DLGAP2: variants seen among roughly 807,000 people sequenced by gnomAD.
The protein encoded by DLGAP2 is disks large-associated protein 2.
Under a neutral mutation model 100.3 loss-of-function variants are expected in DLGAP2, and 26 were observed. The ratio of observed to expected loss-of-function variants is 0.26; its 90% confidence interval spans 0.19 to 0.36. The LOEUF is 0.36. DLGAP2 is among the 10% of genes least tolerant of loss of function. The probability of loss-of-function intolerance (pLI) is 1.00; values close to 1 mark genes in which losing one functional copy is unlikely to be tolerated. For missense variants in DLGAP2, 1,858 were observed against 1,453.2 expected (o/e 1.28, Z -4.53); for synonymous variants, 886 against 630.1 (o/e 1.41, Z -6.08).
intron 2 of DLGAP2, among the ~76,000 whole-genome samples, chr8:1,028,789 C>T (rs1422167962): frequency 6.6e-6 from 1 of 151,148 alleles, no homozygotes; most frequent in Non-Finnish European, 1.5e-5. Flanking sequence ...TTTTTTAAAG[C>T]TGGAAGTCTT....
Position 1,257,698 on chromosome 8 carries a change from G to A in DLGAP2, c.74-1153G>A, listed in dbSNP as rs369956383. ...TGAGGGCCCGTGCAGGCCAGTGCTG[G>A]CGTGGAAGAGCCGGTGTCCTCCCGA... On this transcript the variant is annotated intron_variant, in intron 2 of 14. Transcript: ENST00000637795. Among the ~76,000 whole-genome samples the A allele has an allele frequency of 5.3e-5, 8 of 150,842 alleles. No individual in the cohort carries two copies. The East Asian group carries it at 9.8e-4, about 18-fold the overall frequency.
rs1797604696 is a variant in DLGAP2 at position 871,834 on chromosome 8, G to GTT, written c.19-36078_19-36077insTT. On this transcript the variant is annotated intron_variant, in intron 1 of 14. Coordinates refer to ENST00000637795, the MANE Select transcript of DLGAP2 (RefSeq NM_001346810.2). ...AAGGATGTGGCGTCTCACAGAGAAA[G>GTT]GTGGGCCCACCTACTTGTTGGCATG... 2.2e-4 allele frequency among the ~76,000 whole-genome samples: 33 copies of GTT among 152,266 alleles called. No individual in the cohort carries two copies. In the South Asian group the frequency reaches 6.8e-3, roughly 32 times the overall value.
chr8:1,326,271 A>G (rs560311536), intron 3 of DLGAP2, among the ~76,000 whole-genome samples: 2 of 152,350 alleles, frequency 1.3e-5, no homozygotes, highest in Admixed American at 1.3e-4. Context: ...GAATCAGTGA[A>G]ATTAGACAAT....
chr8:1,361,334 C>T (rs1434683978), intron 3 of DLGAP2, among the ~76,000 whole-genome samples: 1 of 152,236 alleles, frequency 6.6e-6, no homozygotes, highest in Non-Finnish European at 1.5e-5. Flanking sequence ...TTTATCCCTC[C>T]ACAGTCTCTA....
chr8:1,632,901 C>A lies in DLGAP2; in HGVS notation c.1665C>A (p.Ala555=). Residue 555 remains alanine (A), a synonymous_variant, in exon 8 of 15, where the codon GCC becomes GCA. Coordinates refer to ENST00000637795, the MANE Select transcript of DLGAP2 (RefSeq NM_001346810.2). ...ESVFSEVESQ[A]MDALDLPGCF... is the part of the protein sequence containing the mutation. ...TCTTCAGTGAAGTTGAATCTCAGGC[C>A]ATGGATGCCCTCGACCTCCCGGGAT... The A allele has an allele frequency of 6.2e-7, 1 of 1,613,942 alleles. No individual in the cohort carries two copies. The highest frequency in any genetic ancestry group is 8.5e-7 in the Non-Finnish European group (1 of 1,179,874).
chr8:1,424,410 G>T (rs1021105286), intron 3 of DLGAP2, among the ~76,000 whole-genome samples: 1 of 152,218 alleles, frequency 6.6e-6, no homozygotes, highest in Admixed American at 6.5e-5. Context: ...GGCATATGGG[G>T]TGGTTGTGAT....
chr8:1,123,805 A>G (rs868507234), intron 2 of DLGAP2, among the ~76,000 whole-genome samples: 20 of 152,192 alleles, frequency 1.3e-4, no homozygotes, highest in African/African-American at 4.3e-4. Context: ...ACATTTTTCA[A>G]TATTAATTAA....
intron 5 of DLGAP2, among the ~76,000 whole-genome samples, chr8:1,550,334 C>T (rs1019823185): frequency 4.6e-5 from 7 of 152,192 alleles, no homozygotes; most frequent in Admixed American, 1.3e-4. Flanking sequence ...ACGTTATCTA[C>T]GGGCAGCTCT....
chr8:999,443 T>C (rs148160338), intron 2 of DLGAP2, among the ~76,000 whole-genome samples: 3 of 152,140 alleles, frequency 2.0e-5, no homozygotes, highest in African/African-American at 7.2e-5. Context: ...ATAGTTGCTG[T>C]CCTGATTTAC....
At chr8:1,038,987 A>G (rs556006750) in intron 2 of DLGAP2, among the ~76,000 whole-genome samples, 2 of 152,348 alleles carry the variant, frequency 1.3e-5, no homozygotes, top group East Asian at 3.9e-4. Flanking sequence ...GAAATCATAT[A>G]GCCTGTTAGA....
intron 1 of DLGAP2, among the ~76,000 whole-genome samples, chr8:874,249 A>G (rs955525149): frequency 6.6e-6 from 1 of 150,460 alleles, no homozygotes; most frequent in East Asian, 1.9e-4. Context: ...CCTGCTTTAC[A>G]TTTAGTTTGT....
intron 3 of DLGAP2, among the ~76,000 whole-genome samples, chr8:1,327,221 C>T (rs765084452): frequency 6.6e-6 from 1 of 152,240 alleles, no homozygotes; most frequent in African/African-American, 2.4e-5. Flanking sequence ...TGCAATTTTA[C>T]AGGTAAGGCT....
chr8:1,313,252 G>A (rs1024316871), intron 3 of DLGAP2, among the ~76,000 whole-genome samples: 8 of 152,210 alleles, frequency 5.3e-5, no homozygotes, highest in Non-Finnish European at 1.0e-4. Flanking sequence ...TGAGTACCTG[G>A]AATCTTGTTG....
chr8:838,844 C>G (rs952760217), intron 1 of DLGAP2, among the ~76,000 whole-genome samples: 1 of 152,192 alleles, frequency 6.6e-6, no homozygotes, highest in Non-Finnish European at 1.5e-5. Flanking sequence ...TGTGATTCCC[C>G]TGCTGGTGAC....
intron 3 of DLGAP2, among the ~76,000 whole-genome samples, chr8:1,354,260 C>T (rs1220576514): frequency 1.3e-5 from 2 of 152,216 alleles, no homozygotes; most frequent in African/African-American, 4.8e-5. Flanking sequence ...AATCCCAGCA[C>T]TTTGGGAGGC....
intron 3 of DLGAP2, among the ~76,000 whole-genome samples, chr8:1,371,169 C>A (rs1239766401): frequency 6.6e-6 from 1 of 152,246 alleles, no homozygotes; most frequent in African/African-American, 2.4e-5. Flanking sequence ...ACACGTCTTT[C>A]TTTTGCCTCC....
At chr8:1,453,521 G>A (rs1404903047) in intron 3 of DLGAP2, among the ~76,000 whole-genome samples, 4 of 152,092 alleles carry the variant, frequency 2.6e-5, no homozygotes. Context: ...TGTATTCTGA[G>A]TGAAACACCC....
At chr8:1,603,425 A>C (rs1288030148) in intron 6 of DLGAP2, among the ~76,000 whole-genome samples, 2 of 148,690 alleles carry the variant, frequency 1.3e-5, no homozygotes, top group East Asian at 4.0e-4. Flanking sequence ...GCTGGGTCTC[A>C]GTTCTACAGA....
At chr8:1,105,904 G>A (rs756754606) in intron 2 of DLGAP2, among the ~76,000 whole-genome samples, 32 of 150,718 alleles carry the variant, frequency 2.1e-4, no homozygotes, top group Non-Finnish European at 3.1e-4. Flanking sequence ...CATTCTAGGA[G>A]GGTTTTCTAT....
Sources: allele counts gnomAD v4.1 joint callset (sites outside exome capture counted in the v4.1 genomes callset), GRCh38; gene constraint gnomAD v4.1.1; transcripts MANE v1.5; gene names NCBI Gene and HGNC (gene_info 2026-07-23, HGNC 2026-07-21).